The following COL20A1 variants were observed in gnomAD, a reference collection of about 807,000 sequenced individuals.
COL20A1 encodes collagen alpha-1(XX) chain.
In COL20A1, 164 loss-of-function variants were observed where a neutral mutation model predicts 152.9. That is an observed-to-expected ratio of 1.07 (90% confidence interval 0.94 to 1.22). The LOEUF is 1.22. Among genes scored for constraint, COL20A1 ranks in the 50% most tolerant of loss-of-function variants. COL20A1 has a pLI of 0.00. For synonymous variants in COL20A1, 864 were observed against 756.0 expected (o/e 1.14, Z -2.34); for missense variants, 1,873 against 1,744.8 (o/e 1.07, Z -1.31).
rs967389528 is a variant in COL20A1 at position 63,298,409 on chromosome 20, G to A, written c.193+389G>A. 8.5e-5 allele frequency among the ~76,000 whole-genome samples: 13 copies of A among 152,174 alleles called. No homozygotes were observed. In the South Asian group the frequency reaches 1.2e-3, roughly 15 times the overall value. ...GAGCTCAGGAGATCCTCCCACCTCAGCCTCCTGTGTAGCTGGGAGTACAGG... is the reference window on the plus strand; with the variant it reads ...GAGCTCAGGAGATCCTCCCACCTCAACCTCCTGTGTAGCTGGGAGTACAGG... On this transcript the variant is annotated intron_variant, in intron 3 of 35. Transcript: ENST00000358894.
Position 63,320,382 on chromosome 20 carries a change from C to T in COL20A1, c.3153+14C>T. ...CTCCCTGCCTCGGTGTGCCCCGTCC[C>T]TTGCCCCTGTTCCACGAAGCAAGTT... On this transcript the variant is annotated intron_variant, in intron 25 of 35. Coordinates refer to ENST00000358894, the MANE Select transcript of COL20A1 (RefSeq NM_020882.4). 6.2e-7 allele frequency: 1 copy of T among 1,610,016 alleles called. No individual in the cohort carries two copies. The highest frequency in any genetic ancestry group is 8.5e-7 in the Non-Finnish European group (1 of 1,179,506).
chr20:63,305,624 CT>C lies in COL20A1; in HGVS notation c.337+65del. 2.0e-6 allele frequency: 3 copies of C among 1,495,820 alleles called. No individual in the cohort carries two copies. Among genetic ancestry groups the C allele is most frequent in the Non-Finnish European group, 2.7e-6 (3 of 1,115,142 alleles). The allele number at this position is 1,495,820 out of a possible 1,614,324, so 92.7% of individuals were successfully genotyped here. ...AGGCCGGGTCCCACCCTCCTCTGGG[CT>C]GGGGTCCCACCCTCCTCCAGGCTGC... On this transcript the variant is annotated intron_variant, in intron 4 of 35. Transcript: ENST00000358894. The surrounding 1 kb of genome is among the most constrained non-coding windows in gnomAD (Gnocchi z 4.9).
At position 63,308,655 on chromosome 20, in the gene COL20A1, C is replaced by A; in HGVS notation, c.889C>A (p.His297Asn). The change falls in exon 8 of 36, where the codon CAC (histidine) becomes AAC (asparagine). Residue 297 changes from histidine (H) to asparagine (N), a missense_variant. His to Asn is a moderately conservative substitution (Grantham distance 68). Coordinates refer to ENST00000358894, the MANE Select transcript of COL20A1 (RefSeq NM_020882.4). ...VTDGKSQDDV[H>N]TAARVLKDLG... The stretch of plus-strand genomic sequence containing the variant: ...GGACGGCAAGTCCCAGGACGATGTG[C>A]ACACTGCTGCCCGTGTCCTCAAGGA... 6.2e-7 allele frequency: 1 copy of A among 1,607,842 alleles called. No individual in the cohort carries two copies. Among genetic ancestry groups the A allele is most frequent in the East Asian group, 2.2e-5 (1 of 44,632 alleles).
chr20:63,314,507 C>A (rs1311643566), intron 19 of COL20A1, among the ~76,000 whole-genome samples: 1 of 152,132 alleles, frequency 6.6e-6, no homozygotes, highest in Non-Finnish European at 1.5e-5. Context: ...AGGTCCAGGG[C>A]GAGGGCTCTG....
At chr20:63,325,400 G>GC in intron 27 of COL20A1, 41 bp from the exon 28 acceptor site, 2 of 1,486,958 alleles carry the variant, frequency 1.3e-6, no homozygotes, top group Non-Finnish European at 1.9e-6. Flanking sequence ...CCTGCCCTGT[G>GC]CCCCCTCCGC....
rs370492419 is a variant in COL20A1 at position 63,321,070 on chromosome 20, C to T, written c.3211C>T (p.Pro1071Ser). 14 of 1,601,886 alleles carry T rather than the reference C, an allele frequency of 8.7e-6. No individual in the cohort carries two copies. Among genetic ancestry groups the T allele is most frequent in the Admixed American group, 3.4e-5 (2 of 58,782 alleles). The part of the protein sequence containing the change: ...VSACSCSSET[P>S]GPPGPQGPPG... ...TGCCTGTTCCTGTTCCTCAGAGACC[C>T]CTGGGCCCCCAGGACCTCAAGGACC... Residue 1071 changes from proline to serine, a missense_variant, in exon 26 of 36, where the codon CCT becomes TCT. Pro to Ser is a moderately conservative substitution (Grantham distance 74, BLOSUM62 -1). Transcript: ENST00000358894.
In COL20A1 at chr20:63,320,154, G is replaced by A. The variant is rs1404526215; in HGVS notation, c.3032G>A (p.Gly1011Glu). 3 of 1,554,356 alleles carry A rather than the reference G, an allele frequency of 1.9e-6. No individual in the cohort carries two copies. Among genetic ancestry groups the A allele is most frequent in the Non-Finnish European group, 2.6e-6 (3 of 1,150,750 alleles). ...SPPAAGFVTL[G>E]RLAKARGPRS... The stretch of plus-strand genomic sequence containing the variant: ...CCCGCTGCGGGCTTCGTCACGCTGG[G>A]GAGGCTGGCCAAGGCCAGGGGCCCC... Residue 1011 changes from glycine (G) to glutamate (E), a missense_variant, in exon 24 of 36, where the codon GGG becomes GAG. By Grantham distance (98) the Gly-to-Glu change is moderately conservative. Coordinates refer to ENST00000358894, the MANE Select transcript of COL20A1 (RefSeq NM_020882.4).
rs769654778 is a variant in COL20A1, at chr20:63,312,489, C to G, written c.1873C>G (p.Arg625Gly). 3 of 1,608,728 alleles carry G rather than the reference C, an allele frequency of 1.9e-6. No individual in the cohort carries two copies. The Admixed American group carries it at 5.0e-5, about 27-fold the overall frequency. The change falls in exon 15 of 36, where the codon CGT (arginine) becomes GGT (glycine). Residue 625 changes from arginine (R) to glycine (G), a missense_variant. Transcript: ENST00000358894. ...CTCTTCCTCCACCACCTACACTGTC[C>G]GTGTCACCTGCCTCTACCCTGGGGG... is the stretch of plus-strand genomic sequence containing the variant. Reference protein sequence around the residue: ...PLSSSTTYTVRVTCLYPGGGS... With the variant: ...PLSSSTTYTVGVTCLYPGGGS...
At chr20:63,310,561 C>T (rs1402174072) in intron 11 of COL20A1, 51 bp downstream of exon 11, 5 of 1,526,980 alleles carry the variant, frequency 3.3e-6, no homozygotes, top group Admixed American at 2.0e-5. Context: ...GCCCCACTCA[C>T]GGCTGTCCCT....
chr20:63,312,016 G>C lies in COL20A1; in HGVS notation c.1764G>C (p.Arg588Ser), dbSNP rs769461909. The stretch of plus-strand genomic sequence containing the variant: ...CCCCGAGGCCTGTGCGCCTGGTCAG[G>C]GTCACCTATGTGTCCAGCGAGGGTG... Reference protein sequence around the residue: ...EGAPRPVRLVRVTYVSSEGGH... With the variant: ...EGAPRPVRLVSVTYVSSEGGH... Residue 588 changes from arginine to serine, a missense_variant, in exon 14 of 36, where the codon AGG becomes AGC. Coordinates refer to ENST00000358894, the MANE Select transcript of COL20A1 (RefSeq NM_020882.4). 1 of 1,605,036 alleles carries C rather than the reference G, an allele frequency of 6.2e-7. No individual in the cohort carries two copies. The highest frequency in any genetic ancestry group is 1.3e-5 in the African/African-American group (1 of 74,564).
intron 3 of COL20A1, among the ~76,000 whole-genome samples, chr20:63,300,616 A>C (rs1355311320): frequency 1.3e-5 from 2 of 152,112 alleles, no homozygotes; most frequent in Non-Finnish European, 2.9e-5. Context: ...TTACTTTATT[A>C]GTCTTTTAAT....
At position 63,333,199 on chromosome 20, in the gene COL20A1, AGT is replaced by A. The variant is rs2068354716; in HGVS notation, c.*2487_*2488del. 2 of 152,392 alleles carry A rather than the reference AGT, an allele frequency of 1.3e-5. No individual in the cohort carries two copies. 9.4% of individuals were successfully genotyped at this position (152,392 alleles called of 1,614,324 possible). A position where few individuals can be genotyped will look rare whatever the true frequency, so the allele number is the denominator to read the frequency against. On this transcript the variant is annotated 3_prime_UTR_variant, in exon 36 of 36. Transcript: ENST00000358894. The stretch of plus-strand genomic sequence containing the variant: ...AGGCAGCACAGCTTCAGCCCTACGC[AGT>A]GTGGGGGCTCCGGGAGGAAATGCAG...
intron 20 of COL20A1, among the ~76,000 whole-genome samples, chr20:63,315,768 A>G (rs1337762418): frequency 6.6e-6 from 1 of 152,000 alleles, no homozygotes; most frequent in Non-Finnish European, 1.5e-5. Flanking sequence ...CGGGGTTCTC[A>G]TTCGAGTTGC....
At chr20:63,330,599 C>T (rs770448375) in intron 35 of COL20A1, 121 bp from the exon 36 acceptor site, 4 of 152,452 alleles carry the variant, frequency 2.6e-5, no homozygotes, top group East Asian at 3.9e-4. Flanking sequence ...CCCTGCTGGA[C>T]GCAGTGTGCA....
rs900197646 is a variant in COL20A1 at position 63,312,434 on chromosome 20, G to A, written c.1818G>A (p.Gly606=). ...ACCTGCTGCAGACAGAGGCTCCTGGGAACGCCACCTCGGCCACGCTGGGGC... is the reference window on the plus strand; with the variant it reads ...ACCTGCTGCAGACAGAGGCTCCTGGAAACGCCACCTCGGCCACGCTGGGGC... The part of the protein sequence containing the change: ...GGHSGQTEAP[G]NATSATLGPL... The change falls in exon 15 of 36, where the codon GGG becomes GGA. Residue 606 remains glycine (G), a synonymous_variant. Transcript: ENST00000358894. 3.1e-5 allele frequency: 50 copies of A among 1,597,180 alleles called. No homozygotes were observed. The highest frequency in any genetic ancestry group is 4.1e-5 in the Non-Finnish European group (48 of 1,174,342).
intron 5 of COL20A1, among the ~76,000 whole-genome samples, chr20:63,307,127 C>A (rs1030811714): frequency 6.6e-6 from 1 of 152,222 alleles, no homozygotes; most frequent in Non-Finnish European, 1.5e-5. Context: ...GCCTCCACAG[C>A]GCCGCGCTGC....
At position 63,319,497 on chromosome 20, in the gene COL20A1, G is replaced by T; in HGVS notation, c.2817G>T (p.Lys939Asn). 6.3e-7 allele frequency: 1 copy of T among 1,579,986 alleles called. No individual in the cohort carries two copies. Among genetic ancestry groups the T allele is most frequent in the Non-Finnish European group, 8.6e-7 (1 of 1,163,704 alleles). The change falls in exon 23 of 36, where the codon AAG (lysine) becomes AAT (asparagine). Residue 939 changes from lysine to asparagine, a missense_variant. Transcript: ENST00000358894. This position sits in a 1 kb window ranked among gnomAD's most constrained non-coding sequence, Gnocchi z 4.4. Reference sequence around the variant, plus strand: ...CCCCTTCCCTGGCAGCCGGGAAGAAGTCCCTGACCTACTTCCACCGTGACC... The same window carrying T: ...CCCCTTCCCTGGCAGCCGGGAAGAATTCCCTGACCTACTTCCACCGTGACC... ...LLGVLLDAGK[K>N]SLTYFHRDPR... is the part of the protein sequence containing the mutation.
rs2068004857 is a variant in COL20A1, at chr20:63,311,501, T to C, written c.1501T>C (p.Ser501Pro). Residue 501 changes from serine (S) to proline (P), a missense_variant, in exon 12 of 36, where the codon TCT (serine) becomes CCT (proline). Transcript: ENST00000358894. This position sits in a 1 kb window ranked among gnomAD's most constrained non-coding sequence, Gnocchi z 4.4. ...AGATHYLVRC[S>P]PASPKGEEEE... ...GGCCACCCACTACCTGGTGCGATGT[T>C]CTCCTGCTTCCCCCAAGGGTGAAGA... 6.3e-7 allele frequency: 1 copy of C among 1,585,214 alleles called. No homozygotes were observed. Among genetic ancestry groups the C allele is most frequent in the Non-Finnish European group, 8.6e-7 (1 of 1,166,286 alleles).
chr20:63,325,955 G>A (rs1170030174), intron 29 of COL20A1, 141 bp from the exon 30 acceptor site: 6 of 805,128 alleles, frequency 7.5e-6, no homozygotes, highest in Non-Finnish European at 1.0e-5. Context: ...GAGTGGCTGG[G>A]TAGGAGCCTG....
Sources: gnomAD v4.1 joint callset for allele counts (sites outside exome capture counted in the v4.1 genomes callset) on GRCh38, gnomAD v4.1.1 for gene constraint, Gnocchi (gnomAD v3.1) non-coding constraint, MANE v1.5 for transcripts, NCBI Gene and HGNC (gene_info 2026-07-23, HGNC 2026-07-21) for gene names.